Variants in BRD8 observed in about 807,000 individuals in gnomAD.
BRD8 encodes bromodomain containing 8.
Under a neutral mutation model 143.1 loss-of-function variants are expected in BRD8, and 67 were observed. The ratio of observed to expected loss-of-function variants is 0.47; its 90% CI spans 0.38 to 0.57. BRD8 has a LOEUF of 0.57. Among genes scored for constraint, BRD8 ranks in the 20% least tolerant of loss-of-function variants. The probability of loss-of-function intolerance (pLI) is 0.00; values close to 1 mark genes in which losing one functional copy is unlikely to be tolerated. For missense variants in BRD8, 1,103 were observed against 1,503.0 expected (o/e 0.73, Z 4.40); for synonymous variants, 505 against 517.1 (o/e 0.98, Z 0.32).
In BRD8 at chr5:138,167,902, T is replaced by C. The variant is rs57817528; in HGVS notation, c.787+32A>G. On this transcript the variant is annotated intron_variant, in intron 9 of 26. Transcript: ENST00000254900. ...TCAGTCAATGTCAAGTTCAACACCT[T>C]TGAGGTTGATAAAGGAAAAGTGGTA... is the stretch of plus-strand genomic sequence containing the variant. The C allele has an allele frequency of 1.0e-5, 16 of 1,601,748 alleles. No homozygotes were observed. In the African/African-American group the frequency reaches 1.9e-4, roughly 19 times the overall value.
At position 138,161,465 on chromosome 5, in the gene BRD8, G is replaced by A. The variant is rs79565737; in HGVS notation, c.2249+331C>T. On this transcript the variant is annotated intron_variant, in intron 17 of 26. Transcript: ENST00000254900. ...CAGGTAGTTGGGACTACAAATGCGC[G>A]ACACCACACCTGGCTAAGTCTTGTA... 8.7e-3 allele frequency among the ~76,000 whole-genome samples: 1,324 copies of A among 152,128 alleles called. 19 individuals are homozygous for A. Among genetic ancestry groups the A allele is most frequent in the African/African-American group, 0.03 (1,233 of 41,504 alleles).
chr5:138,174,702 G>C (rs1042220848), intron 2 of BRD8, among the ~76,000 whole-genome samples: 1 of 152,006 alleles, frequency 6.6e-6, no homozygotes, highest in Non-Finnish European at 1.5e-5. Context: ...TTGTTGCATG[G>C]AACAAGGATG....
chr5:138,172,043 G>A (rs769201193), intron 3 of BRD8, 22 bp downstream of exon 3: 3 of 1,607,034 alleles, frequency 1.9e-6, no homozygotes, highest in Admixed American at 1.7e-5. Context: ...TGCTCTAAAA[G>A]AGCCCTTGCT....
chr5:138,157,046 T>TG, intron 20 of BRD8: 1 of 1,478,702 alleles, frequency 6.8e-7, no homozygotes, highest in Non-Finnish European at 8.9e-7. Flanking sequence ...AACAGGCAAT[T>TG]GTGCTACTCC....
At chr5:138,153,230 A>G (rs949902359) in intron 20 of BRD8, among the ~76,000 whole-genome samples, 18 of 152,202 alleles carry the variant, frequency 1.2e-4, no homozygotes, top group African/African-American at 4.3e-4. Context: ...ACACTTTAGG[A>G]TTGCCTTTGG....
At chr5:138,144,915 AAAAATAT>A (rs1227273169) in intron 25 of BRD8, among the ~76,000 whole-genome samples, 2 of 141,568 alleles carry the variant, frequency 1.4e-5, no homozygotes, top group African/African-American at 2.7e-5. Flanking sequence ...AAAAAAAAAA[AAAAATAT>A]ATATATATAT....
At chr5:138,157,331 A>G (rs1752667309) in intron 20 of BRD8, 1 of 1,604,976 alleles carries the variant, frequency 6.2e-7, no homozygotes. Context: ...ACGGTGCAAC[A>G]GAAAAGTTGG....
chr5:138,159,383 T>C (rs1485133493), intron 20 of BRD8, among the ~76,000 whole-genome samples, 172 bp downstream of exon 20: 11 of 151,166 alleles, frequency 7.3e-5, no homozygotes, highest in Non-Finnish European at 8.8e-5. Flanking sequence ...CACACACACA[T>C]GCAGAAAGAC....
At chr5:138,170,987 G>A (rs763963612) in intron 5 of BRD8, 51 bp downstream of exon 5, 3 of 1,612,780 alleles carry the variant, frequency 1.9e-6, no homozygotes, top group Non-Finnish European at 2.5e-6. Context: ...AGTACCAGAA[G>A]ACAGTCCCTT....
intron 4 of BRD8, 63 bp from the exon 5 acceptor site, chr5:138,171,223 C>G: frequency 6.6e-7 from 1 of 1,510,898 alleles, no homozygotes; most frequent in South Asian, 1.2e-5. Flanking sequence ...CCCTCTCCTA[C>G]TTGCTTTTAC....
chr5:138,169,858 C>T (rs1411652041), intron 7 of BRD8, among the ~76,000 whole-genome samples: 1 of 152,192 alleles, frequency 6.6e-6, no homozygotes, highest in Non-Finnish European at 1.5e-5. Flanking sequence ...ACTCGGGAGG[C>T]TGAGGCAGGA....
chr5:138,158,213 C>T (rs1284716642), intron 20 of BRD8, among the ~76,000 whole-genome samples: 2 of 152,144 alleles, frequency 1.3e-5, no homozygotes, highest in Non-Finnish European at 2.9e-5. Context: ...AGCTTTATCA[C>T]ACACCAAGGA....
intron 2 of BRD8, among the ~76,000 whole-genome samples, chr5:138,172,521 CAAAAAAAAAAAA>C (rs10547758): frequency 4.1e-5 from 1 of 24,680 alleles, no homozygotes; most frequent in African/African-American, 1.5e-4. Flanking sequence ...GACTCCATCT[CAAAAAAAAAAAA>C]AAAAAAAAAA....
chr5:138,168,701 A>C (rs199948089), intron 8 of BRD8: 1 of 1,377,242 alleles, frequency 7.3e-7, no homozygotes, highest in East Asian at 2.3e-5. Context: ...AAGAGACAAC[A>C]GAGAACCTTT....
At chr5:138,155,665 G>A (rs1752559196) in intron 20 of BRD8, among the ~76,000 whole-genome samples, 1 of 150,728 alleles carries the variant, frequency 6.6e-6, no homozygotes. Flanking sequence ...AATGTAGCTG[G>A]GACCACAGGT....
chr5:138,149,506 A>T (rs1752295449), intron 23 of BRD8, 134 bp downstream of exon 23: 1 of 687,682 alleles, frequency 1.5e-6, no homozygotes, highest in Non-Finnish European at 2.2e-6. Flanking sequence ...TTAAAATTAT[A>T]CTTAATTAAT....
chr5:138,152,659 A>G lies in BRD8; in HGVS notation c.2679T>C (p.Ser893=). 1.2e-6 allele frequency: 2 copies of G among 1,614,162 alleles called. No individual in the cohort carries two copies. Among genetic ancestry groups the G allele is most frequent in the Non-Finnish European group, 1.7e-6 (2 of 1,180,030 alleles). The change falls in exon 21 of 27, where the codon AGT becomes AGC. Residue 893 remains serine (S), a synonymous_variant. Coordinates refer to ENST00000254900, the MANE Select transcript of BRD8 (RefSeq NM_139199.2). ...TCCAGTTGCCCACATCAAGATCCAG[A>G]CTGGAGTCCCATGAGCTGAAGAGGG... is the stretch of plus-strand genomic sequence containing the variant. ...CRSLFSSWDS[S]LDLDVGNWRE... is the part of the protein sequence containing the mutation.
At chr5:138,170,451 T>G (rs1003619618) in intron 6 of BRD8, 42 bp from the exon 7 acceptor site, 10 of 1,609,944 alleles carry the variant, frequency 6.2e-6, no homozygotes, top group African/African-American at 1.3e-5. Flanking sequence ...CAGCTCTGGC[T>G]CCTCCCCAGA....
At chr5:138,176,297 G>A (rs763515630) in intron 2 of BRD8, among the ~76,000 whole-genome samples, 17 of 152,120 alleles carry the variant, frequency 1.1e-4, no homozygotes, top group Non-Finnish European at 1.9e-4. Flanking sequence ...CAAATCTACA[G>A]AGACAAGAGA....
Sources: allele counts gnomAD v4.1 joint callset (sites outside exome capture counted in the v4.1 genomes callset), GRCh38; gene constraint gnomAD v4.1.1; transcripts MANE v1.5; gene names NCBI Gene and HGNC (gene_info 2026-07-23, HGNC 2026-07-21).